The following MAML3 variants were observed in gnomAD, a reference collection of about 807,000 sequenced individuals.
MAML3 encodes mastermind-like protein 3.
A neutral mutation model predicts 101.9 loss-of-function variants in MAML3; 27 were observed. The ratio of observed to expected loss-of-function variants is 0.27; its 90% confidence interval spans 0.20 to 0.37. MAML3 has a LOEUF of 0.37. MAML3 is among the 10% of genes least tolerant of loss of function. The pLI is 1.00. For missense variants in MAML3, 1,316 were observed against 1,444.9 expected, an observed-to-expected ratio of 0.91 and a Z score of 1.45; for synonymous variants, 501 against 555.9, an observed-to-expected ratio of 0.90 and a Z score of 1.39.
Position 140,153,587 on chromosome 4 carries a change from C to T in MAML3, c.-260G>A. ...TATCGGAATACCATCAGACACCTAT[C>T]AACAAAAAGAATCACAACAAACTGA... On this transcript the variant is annotated 5_prime_UTR_variant, in exon 1 of 5. Coordinates refer to ENST00000509479, the MANE Select transcript of MAML3 (RefSeq NM_018717.5). 1 of 430,340 alleles carries T rather than the reference C, an allele frequency of 2.3e-6. No individual in the cohort carries two copies. The highest frequency in any genetic ancestry group is 4.1e-6 in the Non-Finnish European group (1 of 245,122). 26.7% of individuals were successfully genotyped at this position (430,340 alleles called of 1,614,324 possible).
At chr4:139,928,988 A>T (rs1377413036) in intron 1 of MAML3, among the ~76,000 whole-genome samples, 1 of 152,224 alleles carries the variant, frequency 6.6e-6, no homozygotes, top group Non-Finnish European at 1.5e-5. Flanking sequence ...ATATGAGCAT[A>T]ATCAATTTTG....
At chr4:139,762,060 T>C (rs1279371920) in intron 2 of MAML3, among the ~76,000 whole-genome samples, 2 of 152,216 alleles carry the variant, frequency 1.3e-5, no homozygotes, top group Admixed American at 1.3e-4. Context: ...TAGGAGCTTC[T>C]ATGCCACATG....
At chr4:139,813,514 T>C (rs1730839431) in intron 2 of MAML3, among the ~76,000 whole-genome samples, 1 of 152,208 alleles carries the variant, frequency 6.6e-6, no homozygotes, top group African/African-American at 2.4e-5. Context: ...CGCTTCAAAA[T>C]TCCTCCTGAA....
intron 1 of MAML3, among the ~76,000 whole-genome samples, chr4:140,074,207 A>AAGAGAGAGAGAGAGAGAAAGAAAG (rs1004116367): frequency 8.1e-6 from 1 of 123,358 alleles, no homozygotes; most frequent in Non-Finnish European, 1.8e-5. Flanking sequence ...AAGAGAAAGA[A>AAGAGAGAGAGAGAGAGAAAGAAAG]AGAAAGAAAG....
chr4:139,992,000 T>C (rs886170577), intron 1 of MAML3, among the ~76,000 whole-genome samples: 1 of 152,210 alleles, frequency 6.6e-6, no homozygotes, highest in Non-Finnish European at 1.5e-5. Context: ...TCATGCCTGT[T>C]AGGGTCAATT....
At chr4:140,016,280 C>A (rs936141154) in intron 1 of MAML3, among the ~76,000 whole-genome samples, 36 of 151,642 alleles carry the variant, frequency 2.4e-4, no homozygotes, top group Non-Finnish European at 4.4e-4. Context: ...ATGAAAAAAA[C>A]CAAAGAAGAT....
intron 2 of MAML3, among the ~76,000 whole-genome samples, chr4:139,755,324 G>A (rs533193886): frequency 3.9e-5 from 6 of 152,314 alleles, no homozygotes; most frequent in African/African-American, 9.6e-5. Flanking sequence ...CTGTGCCAGC[G>A]CAGCATGGTG....
chr4:139,852,403 G>GTTTTTTTTTTTTTTTTTGT (rs1731573441), intron 2 of MAML3, among the ~76,000 whole-genome samples: 7 of 68,324 alleles, frequency 1.0e-4, no homozygotes, highest in African/African-American at 4.0e-4. Context: ...TCAGAAGACT[G>GTTTTTTTTTTTTTTTTTGT]TTTTTTTTTT....
At chr4:139,976,261 T>C (rs183307807) in intron 1 of MAML3, among the ~76,000 whole-genome samples, 1 of 152,342 alleles carries the variant, frequency 6.6e-6, no homozygotes, top group East Asian at 1.9e-4. Context: ...TCTTTTCTTC[T>C]TCTTCTCTTC....
chr4:140,120,166 G>A (rs1054323281), intron 1 of MAML3, among the ~76,000 whole-genome samples: 1 of 151,124 alleles, frequency 6.6e-6, no homozygotes, highest in Non-Finnish European at 1.5e-5. Flanking sequence ...GAACCCGGGA[G>A]GCGGAGCTTG....
At chr4:139,727,404 G>T (rs923888858) in intron 3 of MAML3, among the ~76,000 whole-genome samples, 3 of 152,182 alleles carry the variant, frequency 2.0e-5, no homozygotes, top group African/African-American at 7.2e-5. Flanking sequence ...TATAATATAA[G>T]AATTTAACTG....
chr4:139,990,682 T>C (rs1463106445), intron 1 of MAML3, among the ~76,000 whole-genome samples: 2 of 152,034 alleles, frequency 1.3e-5, no homozygotes, highest in Admixed American at 1.3e-4. Flanking sequence ...CTCCTTAAGC[T>C]GATAAGCAAC....
rs370991453 is a variant in MAML3 at position 139,820,203 on chromosome 4, AATGTCATAGAT to A, written c.2079+69143_2079+69153del. 9.1e-3 allele frequency among the ~76,000 whole-genome samples: 1,386 copies of A among 152,324 alleles called. 6 individuals are homozygous for A. The highest frequency in any genetic ancestry group is 0.017 in the African/African-American group (716 of 41,568). On this transcript the variant is annotated intron_variant, in intron 2 of 4. Transcript: ENST00000509479. Reference sequence around the variant, plus strand: ...ATGGTAGTGAAGCAACTGTGACCCGAATGTCATAGATATCTCTGCTTTTCTCTGAAAGAGTC... The same window carrying A: ...ATGGTAGTGAAGCAACTGTGACCCGAATCTCTGCTTTTCTCTGAAAGAGTC...
intron 2 of MAML3, among the ~76,000 whole-genome samples, chr4:139,751,507 C>T (rs1262034011): frequency 6.6e-6 from 1 of 152,222 alleles, no homozygotes; most frequent in Non-Finnish European, 1.5e-5. Flanking sequence ...TGACCCATCA[C>T]ATGAGGTCAG....
intron 1 of MAML3, among the ~76,000 whole-genome samples, chr4:139,894,560 A>AAAGAAAG (rs1732569515): frequency 6.7e-6 from 1 of 150,196 alleles, no homozygotes; most frequent in Non-Finnish European, 1.5e-5. Flanking sequence ...AGAAAGAAAG[A>AAAGAAAG]AAGAAAAGTA....
intron 1 of MAML3, among the ~76,000 whole-genome samples, chr4:140,042,414 C>A (rs1228084464): frequency 6.6e-6 from 1 of 152,144 alleles, no homozygotes; most frequent in Non-Finnish European, 1.5e-5. Flanking sequence ...GCAGGCGGAT[C>A]ACGAGGTCAG....
At chr4:139,879,481 G>A (rs1732176041) in intron 2 of MAML3, among the ~76,000 whole-genome samples, 1 of 147,462 alleles carries the variant, frequency 6.8e-6, no homozygotes, top group Non-Finnish European at 1.5e-5. Flanking sequence ...AGCCAAGATT[G>A]TGCCACTGCA....
intron 1 of MAML3, among the ~76,000 whole-genome samples, chr4:139,947,145 A>T (rs550642732): frequency 6.0e-4 from 92 of 152,318 alleles, no homozygotes; most frequent in African/African-American, 2.0e-3. Flanking sequence ...ATACACATAC[A>T]GTAGACATGA....
intron 1 of MAML3, among the ~76,000 whole-genome samples, chr4:139,910,547 G>T (rs116522662): frequency 0.014 from 2,089 of 152,222 alleles, 54 homozygotes; most frequent in African/African-American, 0.047. Flanking sequence ...TATTATATTG[G>T]ACAGCACAGT....
Sources: gnomAD v4.1 joint callset for allele counts (sites outside exome capture counted in the v4.1 genomes callset) on GRCh38, gnomAD v4.1.1 for gene constraint, MANE v1.5 for transcripts, NCBI Gene and HGNC (gene_info 2026-07-23, HGNC 2026-07-21) for gene names.